Variants in COLEC12 observed in about 807,000 individuals in gnomAD.
COLEC12 encodes collectin-12.
A neutral mutation model predicts 71.1 loss-of-function variants in COLEC12; 33 were observed. The observed-to-expected ratio is 0.46, with a 90% CI of 0.35 to 0.62. COLEC12 has a LOEUF of 0.62. Among genes scored for constraint, COLEC12 ranks in the 20% least tolerant of loss-of-function variants. COLEC12 has a pLI of 0.00. For synonymous variants in COLEC12, 350 were observed against 353.0 expected, an observed-to-expected ratio of 0.99 and a Z score of 0.10; for missense variants, 765 against 916.1, an observed-to-expected ratio of 0.84 and a Z score of 2.13.
chr18:368,661 G>T (rs773249150), intron 2 of COLEC12, among the ~76,000 whole-genome samples: 4 of 151,916 alleles, frequency 2.6e-5, no homozygotes, highest in Non-Finnish European at 5.9e-5. Flanking sequence ...TCAGGAGATC[G>T]AGACCAGCCT....
rs1567875960 is a variant in COLEC12, at chr18:335,120, G to A, written c.1438C>T (p.Pro480Ser). 1.2e-6 allele frequency: 2 copies of A among 1,612,906 alleles called. No homozygotes were observed. Among genetic ancestry groups the A allele is most frequent in the East Asian group, 2.2e-5 (1 of 44,776 alleles). ...CCAATTGGGCCTCTCTCACCCGCAG[G>A]GCCAGGTGGTCCAGGCTCCCCCTTC... ...GEKGEPGPPG[P>S]AGERGPIGPA... Residue 480 changes from proline to serine, a missense_variant, in exon 6 of 10, where the codon CCT (proline) becomes TCT (serine). Pro to Ser is a moderately conservative substitution (Grantham distance 74). Coordinates refer to ENST00000400256, the MANE Select transcript of COLEC12 (RefSeq NM_130386.3).
At chr18:404,486 CA>C (rs1915747379) in intron 2 of COLEC12, among the ~76,000 whole-genome samples, 1 of 152,066 alleles carries the variant, frequency 6.6e-6, no homozygotes, top group Non-Finnish European at 1.5e-5. Flanking sequence ...GCAAAATATT[CA>C]AAAGACAGGA....
intron 3 of COLEC12, among the ~76,000 whole-genome samples, chr18:353,140 A>G (rs1397616164): frequency 1.3e-5 from 2 of 151,518 alleles, no homozygotes; most frequent in African/African-American, 4.9e-5. Context: ...CCTCGTCTTG[A>G]CTCCACTTCT....
At chr18:385,388 G>A (rs770469377) in intron 2 of COLEC12, among the ~76,000 whole-genome samples, 9 of 145,418 alleles carry the variant, frequency 6.2e-5, no homozygotes, top group Non-Finnish European at 7.4e-5. Flanking sequence ...TCAGTGGTGC[G>A]ATCTCGGCTC....
At chr18:359,287 G>C (rs1007830543) in intron 2 of COLEC12, among the ~76,000 whole-genome samples, 30 of 152,318 alleles carry the variant, frequency 2.0e-4, no homozygotes, top group African/African-American at 6.7e-4. Context: ...CCGCGAATTA[G>C]GATGGCCCCC....
rs1917396096 is a variant in COLEC12, at chr18:480,653, T to C, written c.58+54A>G. On this transcript the variant is annotated intron_variant, in intron 2 of 9. Coordinates refer to ENST00000400256, the MANE Select transcript of COLEC12 (RefSeq NM_130386.3). The surrounding 1 kb of genome is among the most constrained non-coding windows in gnomAD (Gnocchi z 4.1). Reference sequence around the variant, plus strand: ...CCTGCCAATGGTCTCTGAGGGTTCGTGGCTGCATCCCAGGTTGACCACTGA... The same window carrying C: ...CCTGCCAATGGTCTCTGAGGGTTCGCGGCTGCATCCCAGGTTGACCACTGA... 4.7e-6 allele frequency: 7 copies of C among 1,504,790 alleles called. No homozygotes were observed. In the South Asian group the frequency reaches 6.8e-5, roughly 15 times the overall value. The allele number at this position is 1,504,790 out of a possible 1,614,324, so 93.2% of individuals were successfully genotyped here.
At chr18:322,052 G>A (rs1025964961) in intron 8 of COLEC12, among the ~76,000 whole-genome samples, 2 of 152,202 alleles carry the variant, frequency 1.3e-5, no homozygotes, top group Non-Finnish European at 2.9e-5. Context: ...AAACTCACTA[G>A]GCTGGTTCAT....
At chr18:350,735 C>T (rs1220635937) in intron 3 of COLEC12, among the ~76,000 whole-genome samples, 1 of 152,118 alleles carries the variant, frequency 6.6e-6, no homozygotes, top group East Asian at 1.9e-4. Flanking sequence ...CAAGACCAGC[C>T]TGGCCAACAT....
chr18:406,007 A>C (rs1462551987), intron 2 of COLEC12, among the ~76,000 whole-genome samples: 1 of 152,124 alleles, frequency 6.6e-6, no homozygotes, highest in Non-Finnish European at 1.5e-5. Context: ...CTGATAATAC[A>C]GGTTGCAGTA....
chr18:423,227 C>A (rs1189026940), intron 2 of COLEC12, among the ~76,000 whole-genome samples: 2 of 152,142 alleles, frequency 1.3e-5, no homozygotes, highest in Non-Finnish European at 2.9e-5. Flanking sequence ...CATGATCATG[C>A]CACTGCACTC....
intron 2 of COLEC12, among the ~76,000 whole-genome samples, chr18:425,649 G>A (rs62088038): frequency 0.18 from 27,747 of 152,056 alleles, 2,809 homozygotes; most frequent in Middle Eastern, 0.24. Flanking sequence ...CAGCCCCCAC[G>A]GTCATCAACA....
At chr18:328,783 G>A (rs956136519) in intron 8 of COLEC12, among the ~76,000 whole-genome samples, 1 of 152,152 alleles carries the variant, frequency 6.6e-6, no homozygotes, top group Non-Finnish European at 1.5e-5. Context: ...CCAGAACCCC[G>A]ATCTTGCTGA....
chr18:329,619 C>A (rs915040544), intron 8 of COLEC12, among the ~76,000 whole-genome samples: 6 of 152,182 alleles, frequency 3.9e-5, no homozygotes. Flanking sequence ...CCAGGGGGTA[C>A]CCCTTCCTCT....
chr18:370,708 G>A (rs916106734), intron 2 of COLEC12, among the ~76,000 whole-genome samples: 8 of 151,998 alleles, frequency 5.3e-5, no homozygotes, highest in African/African-American at 9.7e-5. Flanking sequence ...ACCACACAAC[G>A]GGATCCCAGG....
In COLEC12 at chr18:356,001, C is replaced by G. The variant is rs181317069; in HGVS notation, c.181+1399G>C. Among the ~76,000 whole-genome samples, 152 of 152,282 alleles carry G rather than the reference C, an allele frequency of 1.0e-3. 1 individual carries two copies. The highest frequency in any genetic ancestry group is 3.4e-3 in the Middle Eastern group (1 of 294). ...TGGTAGTTTTCCAGATTTCCATTGT[C>G]CAAACTAATCAGCCAACACACTCAA... On this transcript the variant is annotated intron_variant, in intron 3 of 9. Transcript: ENST00000400256.
At chr18:453,824 G>A (rs1382203358) in intron 2 of COLEC12, among the ~76,000 whole-genome samples, 1 of 152,080 alleles carries the variant, frequency 6.6e-6, no homozygotes, top group East Asian at 1.9e-4. Flanking sequence ...CCCCTGTTCA[G>A]CAAGATGCTT....
At chr18:413,253 A>T (rs746740068) in intron 2 of COLEC12, among the ~76,000 whole-genome samples, 15 of 152,232 alleles carry the variant, frequency 9.9e-5, no homozygotes, top group Admixed American at 6.5e-5. Flanking sequence ...AAAGATATTC[A>T]ACATCACTAG....
Position 346,903 on chromosome 18 carries a change from T to A in COLEC12, c.719A>T (p.Asp240Val), listed in dbSNP as rs1270445070. 1 of 1,614,144 alleles carries A rather than the reference T, an allele frequency of 6.2e-7. No individual in the cohort carries two copies. Among genetic ancestry groups the A allele is most frequent in the East Asian group, 2.2e-5 (1 of 44,878 alleles). ...TSQAIQRIKN[D>V]FQNLQQVFLQ... ...AAAAACCTGCTGCAGATTTTGAAAGTCGTTCTTGATTCGCTGGATAGCCTG... is the reference window on the plus strand; with the variant it reads ...AAAAACCTGCTGCAGATTTTGAAAGACGTTCTTGATTCGCTGGATAGCCTG... The change falls in exon 5 of 10, where the codon GAC becomes GTC. Residue 240 changes from aspartate (D) to valine (V), a missense_variant. Coordinates refer to ENST00000400256, the MANE Select transcript of COLEC12 (RefSeq NM_130386.3). This position sits in a 1 kb window ranked among gnomAD's most constrained non-coding sequence, Gnocchi z 4.0.
chr18:386,433 G>C (rs1050196389), intron 2 of COLEC12, among the ~76,000 whole-genome samples: 1 of 152,164 alleles, frequency 6.6e-6, no homozygotes, highest in African/African-American at 2.4e-5. Context: ...AATATTCTCA[G>C]ATGTACAACC....
Sources: allele counts gnomAD v4.1 joint callset (sites outside exome capture counted in the v4.1 genomes callset), GRCh38; gene constraint gnomAD v4.1.1; non-coding constraint Gnocchi (gnomAD v3.1); transcripts MANE v1.5; gene names NCBI Gene and HGNC (gene_info 2026-07-23, HGNC 2026-07-21).